PARD3: variants seen among roughly 807,000 people sequenced by gnomAD.
The protein encoded by PARD3 is partitioning defective 3 homolog.
PARD3 carries 75 observed loss-of-function variants against 155.4 expected under a neutral mutation model. The ratio of observed to expected loss-of-function variants is 0.48; its 90% CI spans 0.40 to 0.58. The LOEUF (loss-of-function observed/expected upper bound fraction) is 0.58, where lower values mean the gene tolerates loss of function less well. Ranked by LOEUF, PARD3 falls within the 20% of genes least tolerant of loss-of-function variation. The pLI, the probability that PARD3 is intolerant of heterozygous loss-of-function variation, is 0.00. For synonymous variants in PARD3, 576 were observed against 610.5 expected, an observed-to-expected ratio of 0.94 and a Z score of 0.83; for missense variants, 1,642 against 1,721.7, an observed-to-expected ratio of 0.95 and a Z score of 0.82.
chr10:34,179,905 A>G (rs1950196460), intron 22 of PARD3, among the ~76,000 whole-genome samples: 1 of 152,204 alleles, frequency 6.6e-6, no homozygotes. Flanking sequence ...ACTGTGGTTA[A>G]AATGCCTTAT....
At chr10:34,596,300 A>T (rs1029314015) in intron 2 of PARD3, among the ~76,000 whole-genome samples, 4 of 151,828 alleles carry the variant, frequency 2.6e-5, no homozygotes, top group African/African-American at 9.7e-5. Flanking sequence ...ATTTCCTTCT[A>T]TCACAAACAC....
At chr10:34,381,755 G>T (rs542561191) in intron 9 of PARD3, among the ~76,000 whole-genome samples, 2 of 151,678 alleles carry the variant, frequency 1.3e-5, no homozygotes, top group African/African-American at 4.8e-5. Flanking sequence ...AACATGGCAA[G>T]ACTCCAACAC....
chr10:34,311,643 C>G (rs1387579973), intron 20 of PARD3, among the ~76,000 whole-genome samples: 8 of 151,886 alleles, frequency 5.3e-5, no homozygotes, highest in Non-Finnish European at 1.2e-4. Context: ...CTCAGCAAAC[C>G]TTGGGATTAC....
intron 22 of PARD3, among the ~76,000 whole-genome samples, chr10:34,263,748 A>G (rs1246868789): frequency 2.6e-5 from 4 of 152,240 alleles, no homozygotes; most frequent in African/African-American, 9.7e-5. Flanking sequence ...ACTTTATAGC[A>G]GGATTGTTGG....
intron 5 of PARD3, among the ~76,000 whole-genome samples, chr10:34,409,674 C>T (rs552632508): frequency 1.1e-4 from 16 of 152,308 alleles, no homozygotes; most frequent in Middle Eastern, 3.4e-3. Flanking sequence ...GACCAAGTGG[C>T]CACCCTCTAG....
rs924916381 is a variant in PARD3, at chr10:34,357,618, C to T, written c.2067+1529G>A. On this transcript the variant is annotated intron_variant, in intron 14 of 24. Coordinates refer to ENST00000374788, the MANE Select transcript of PARD3 (RefSeq NM_001184785.2). Reference sequence around the variant, plus strand: ...TACTATTCAATCAGTCCAGGAGGGACGGAAAAGAGAAAAAAATATCAGTCC... The same window carrying T: ...TACTATTCAATCAGTCCAGGAGGGATGGAAAAGAGAAAAAAATATCAGTCC... 8.5e-5 allele frequency among the ~76,000 whole-genome samples: 13 copies of T among 152,190 alleles called. No individual in the cohort carries two copies. The South Asian group carries it at 1.0e-3, about 12-fold the overall frequency.
intron 2 of PARD3, among the ~76,000 whole-genome samples, chr10:34,574,599 A>G (rs2086742009): frequency 6.6e-6 from 1 of 152,234 alleles, no homozygotes; most frequent in South Asian, 2.1e-4. Context: ...GGCCTCACTC[A>G]GGCAGTTTAG....
At chr10:34,622,437 C>G (rs540099869) in intron 2 of PARD3, among the ~76,000 whole-genome samples, 3 of 152,158 alleles carry the variant, frequency 2.0e-5, no homozygotes, top group African/African-American at 7.2e-5. Context: ...AAAAATAATA[C>G]ATTAGAACTT....
At chr10:34,261,056 AG>A (rs1052449311) in intron 22 of PARD3, among the ~76,000 whole-genome samples, 3 of 152,160 alleles carry the variant, frequency 2.0e-5, no homozygotes, top group African/African-American at 7.2e-5. Context: ...CTCAGCAAGC[AG>A]GGGGAGTCTA....
At chr10:34,390,335 T>C (rs148300783) in intron 7 of PARD3, among the ~76,000 whole-genome samples, 264 of 152,294 alleles carry the variant, frequency 1.7e-3, no homozygotes, top group African/African-American at 5.9e-3. Context: ...TTGGGTAGAC[T>C]AATCACTACC....
chr10:34,747,451 C>A lies in PARD3; in HGVS notation c.121-51032G>T, dbSNP rs540683830. 7.9e-5 allele frequency among the ~76,000 whole-genome samples: 12 copies of A among 152,290 alleles called. No individual in the cohort carries two copies. In the South Asian group the frequency reaches 1.0e-3, roughly 13 times the overall value. On this transcript the variant is annotated intron_variant, in intron 1 of 24. Coordinates refer to ENST00000374788, the MANE Select transcript of PARD3 (RefSeq NM_001184785.2). ...CTAAATGTTCAAAACATATTATTCT[C>A]CTACTTTAAAAAAAGAAAAGCAAAA... is the stretch of plus-strand genomic sequence containing the variant.
At position 34,666,777 on chromosome 10, in the gene PARD3, T is replaced by TAAAAAA. The variant is rs771593408; in HGVS notation, c.222+29535_222+29540dup. 4.3e-3 allele frequency among the ~76,000 whole-genome samples: 74 copies of TAAAAAA among 17,030 alleles called. 11 individuals carry two copies. The highest frequency in any genetic ancestry group is 7.1e-3 in the African/African-American group (50 of 7,022). 11.2% of individuals were successfully genotyped at this position (17,030 alleles called of 152,430 possible). A position where few individuals can be genotyped will look rare whatever the true frequency, so the allele number is the denominator to read the frequency against. ...CTTCCACCTCACCTACCCCTCCCCC[T>TAAAAAA]AAAAAAAAAAAAAAAAAAAATATAT... On this transcript the variant is annotated intron_variant, in intron 2 of 24. Coordinates refer to ENST00000374788, the MANE Select transcript of PARD3 (RefSeq NM_001184785.2).
intron 12 of PARD3, among the ~76,000 whole-genome samples, chr10:34,367,177 G>C (rs979010141): frequency 1.3e-5 from 2 of 152,092 alleles, no homozygotes; most frequent in African/African-American, 4.8e-5. Context: ...AATTTGCCTG[G>C]AGTAATTTGT....
At chr10:34,184,463 G>T (rs897403546) in intron 22 of PARD3, among the ~76,000 whole-genome samples, 2 of 152,144 alleles carry the variant, frequency 1.3e-5, no homozygotes, top group African/African-American at 4.8e-5. Flanking sequence ...GGGGTTTAGA[G>T]AATTAATTAA....
intron 3 of PARD3, among the ~76,000 whole-genome samples, chr10:34,492,354 G>T (rs892833582): frequency 6.6e-6 from 1 of 152,032 alleles, no homozygotes; most frequent in Non-Finnish European, 1.5e-5. Flanking sequence ...TCAAAACACC[G>T]ATTCAAACAG....
chr10:34,138,209 T>C (rs1051823204), intron 22 of PARD3, among the ~76,000 whole-genome samples: 1 of 152,140 alleles, frequency 6.6e-6, no homozygotes, highest in African/African-American at 2.4e-5. Context: ...CTGGGAAAAA[T>C]TGCACAAAGT....
intron 1 of PARD3, among the ~76,000 whole-genome samples, chr10:34,773,880 G>T (rs556676631): frequency 4.6e-5 from 7 of 152,280 alleles, no homozygotes; most frequent in Admixed American, 2.0e-4. Flanking sequence ...TAATATGAAA[G>T]AATAATAGAG....
At chr10:34,699,786 G>A (rs976583375) in intron 1 of PARD3, among the ~76,000 whole-genome samples, 1 of 152,090 alleles carries the variant, frequency 6.6e-6, no homozygotes, top group Non-Finnish European at 1.5e-5. Context: ...AAGGCAGGGG[G>A]ATCCCTTGAG....
intron 20 of PARD3, among the ~76,000 whole-genome samples, chr10:34,297,922 G>A (rs1435540363): frequency 6.6e-6 from 1 of 152,220 alleles, no homozygotes; most frequent in Admixed American, 6.5e-5. Context: ...GAAAACAGGA[G>A]CTGAAGATAA....
Sources: allele counts gnomAD v4.1 joint callset (sites outside exome capture counted in the v4.1 genomes callset), GRCh38; gene constraint gnomAD v4.1.1; transcripts MANE v1.5; gene names NCBI Gene and HGNC (gene_info 2026-07-23, HGNC 2026-07-21).